CNTNAP5: variants seen among roughly 807,000 people sequenced by gnomAD.
CNTNAP5 encodes contactin-associated protein-like 5.
CNTNAP5 carries 72 observed loss-of-function variants against 150.2 expected under a neutral mutation model. The ratio of observed to expected loss-of-function variants is 0.48; its 90% CI spans 0.40 to 0.58. The LOEUF (loss-of-function observed/expected upper bound fraction) is 0.58, where lower values mean the gene tolerates loss of function less well. Among genes scored for constraint, CNTNAP5 ranks in the 20% least tolerant of loss-of-function variants. The pLI is 0.00. For synonymous variants in CNTNAP5, 672 were observed against 619.8 expected (o/e 1.08, Z -1.25); for missense variants, 1,636 against 1,626.2 (o/e 1.01, Z -0.10).
intron 13 of CNTNAP5, among the ~76,000 whole-genome samples, chr2:124,727,430 T>G (rs532198046): frequency 1.8e-4 from 27 of 152,146 alleles, no homozygotes; most frequent in African/African-American, 6.5e-4. Flanking sequence ...TTAGCAATAT[T>G]AACTCATTGA....
chr2:124,814,374 C>G (rs1433174602), intron 19 of CNTNAP5, among the ~76,000 whole-genome samples: 1 of 152,044 alleles, frequency 6.6e-6, no homozygotes, highest in African/African-American at 2.4e-5. Flanking sequence ...AGCCCTTCAA[C>G]TGAGCTTTCT....
chr2:124,327,679 G>A (rs923221213), intron 3 of CNTNAP5, among the ~76,000 whole-genome samples: 3 of 152,126 alleles, frequency 2.0e-5, no homozygotes, highest in African/African-American at 7.2e-5. Flanking sequence ...TCAACCAATT[G>A]CCAATCAGAA....
chr2:124,702,698 A>C (rs573237624), intron 13 of CNTNAP5, among the ~76,000 whole-genome samples: 1 of 152,246 alleles, frequency 6.6e-6, no homozygotes, highest in South Asian at 2.1e-4. Context: ...GTACAGCACG[A>C]GGAAAAGAGA....
At chr2:124,371,738 A>G (rs557145129) in intron 3 of CNTNAP5, among the ~76,000 whole-genome samples, 1 of 152,128 alleles carries the variant, frequency 6.6e-6, no homozygotes, top group Non-Finnish European at 1.5e-5. Context: ...TGTAATCTTA[A>G]CATACTATAC....
chr2:124,074,641 G>A (rs1161379172), intron 1 of CNTNAP5, among the ~76,000 whole-genome samples: 1 of 152,064 alleles, frequency 6.6e-6, no homozygotes, highest in Non-Finnish European at 1.5e-5. Flanking sequence ...AGTGTCATGG[G>A]TATTGACTCC....
intron 3 of CNTNAP5, among the ~76,000 whole-genome samples, chr2:124,401,683 C>T (rs1419672446): frequency 2.0e-5 from 3 of 152,156 alleles, no homozygotes; most frequent in Non-Finnish European, 4.4e-5. Context: ...TTTGTACTTA[C>T]GTTATTGATG....
rs148310457 is a variant in CNTNAP5 at position 124,134,191 on chromosome 2, T to A, written c.83-87514T>A. 1.7e-3 allele frequency among the ~76,000 whole-genome samples: 263 copies of A among 152,306 alleles called. 1 individual carries two copies. The highest frequency in any genetic ancestry group is 3.1e-3 in the Non-Finnish European group (210 of 68,022). ...GTCTAAACTCCGTTTGTCAGTGAGC[T>A]TCTCAGGGGTTCGTTCCACTGGACC... On this transcript the variant is annotated intron_variant, in intron 1 of 23. Transcript: ENST00000682447.
chr2:124,312,887 T>A (rs762076081), intron 3 of CNTNAP5, among the ~76,000 whole-genome samples: 5 of 152,192 alleles, frequency 3.3e-5, no homozygotes, highest in Non-Finnish European at 7.3e-5. Context: ...GTATTCTTAG[T>A]AGAGACGGGG....
Position 124,496,977 on chromosome 2 carries a change from G to T in CNTNAP5, c.1063-7315G>T, listed in dbSNP as rs1002237101. Reference sequence around the variant, plus strand: ...CAACAAAGAGTAGTCCCTTATTCTTGTTTTATTCTTCCCAGGTGACTCAAG... The same window carrying T: ...CAACAAAGAGTAGTCCCTTATTCTTTTTTTATTCTTCCCAGGTGACTCAAG... On this transcript the variant is annotated intron_variant, in intron 7 of 23. Coordinates refer to ENST00000682447, the MANE Select transcript of CNTNAP5 (RefSeq NM_001367498.1). 2.6e-5 allele frequency among the ~76,000 whole-genome samples: 4 copies of T among 152,202 alleles called. No individual in the cohort carries two copies. In the East Asian group the frequency reaches 7.7e-4, roughly 29 times the overall value.
intron 3 of CNTNAP5, among the ~76,000 whole-genome samples, chr2:124,291,712 A>T (rs1019451537): frequency 6.6e-6 from 1 of 152,158 alleles, no homozygotes; most frequent in African/African-American, 2.4e-5. Flanking sequence ...CCTTCAAATT[A>T]TATAGGCAGA....
At chr2:124,748,075 TG>T (rs1422987927) in intron 14 of CNTNAP5, among the ~76,000 whole-genome samples, 1 of 152,024 alleles carries the variant, frequency 6.6e-6, no homozygotes, top group African/African-American at 2.4e-5. Flanking sequence ...GATAGGGATG[TG>T]GGGTTATATA....
In CNTNAP5 at chr2:124,880,674, A is replaced by G. The variant is rs577913905; in HGVS notation, c.3436+10912A>G. Among the ~76,000 whole-genome samples, 185 of 152,270 alleles carry G rather than the reference A, an allele frequency of 1.2e-3. 1 individual carries two copies. The highest frequency in any genetic ancestry group is 4.2e-3 in the African/African-American group (174 of 41,586). ...TACCTATTATATACAAGGTGATATA[A>G]TAAGAGAAAATATGAAAACTTTAAA... On this transcript the variant is annotated intron_variant, in intron 21 of 23. Coordinates refer to ENST00000682447, the MANE Select transcript of CNTNAP5 (RefSeq NM_001367498.1).
intron 18 of CNTNAP5, among the ~76,000 whole-genome samples, chr2:124,791,242 GTTCA>G (rs1231007715): frequency 1.3e-5 from 2 of 152,146 alleles, no homozygotes; most frequent in African/African-American, 4.8e-5. Context: ...TGAGCCCTCC[GTTCA>G]TTCATACAGG....
intron 1 of CNTNAP5, among the ~76,000 whole-genome samples, chr2:124,066,666 A>T (rs868585604): frequency 6.7e-6 from 1 of 149,958 alleles, no homozygotes; most frequent in Non-Finnish European, 1.5e-5. Flanking sequence ...CAAAAAAAAA[A>T]TAGTTTATCT....
At chr2:124,103,101 T>A (rs1177898311) in intron 1 of CNTNAP5, among the ~76,000 whole-genome samples, 3 of 152,136 alleles carry the variant, frequency 2.0e-5, no homozygotes, top group Non-Finnish European at 4.4e-5. Flanking sequence ...TGTGTGTGTT[T>A]GTATCTTAGT....
chr2:124,797,321 A>G (rs1347520346), intron 18 of CNTNAP5, among the ~76,000 whole-genome samples: 6 of 152,174 alleles, frequency 3.9e-5, no homozygotes, highest in Non-Finnish European at 8.8e-5. Context: ...GGTGATTTAC[A>G]TATCCCACTA....
In CNTNAP5 at chr2:124,563,270, C is replaced by A; in HGVS notation, c.1703C>A (p.Thr568Asn). ...HGGSCSQSWT[T>N]FYCNCSDTSY... is the part of the protein sequence containing the mutation. ...GGAAGCTGCTCCCAGTCCTGGACTA[C>A]CTTCTATTGTAACTGCAGTGACACA... The change falls in exon 11 of 24, where the codon ACC (threonine) becomes AAC (asparagine). Residue 568 changes from threonine (T) to asparagine (N), a missense_variant. Thr to Asn is a moderately conservative substitution (Grantham distance 65). Transcript: ENST00000682447. 1 of 1,589,572 alleles carries A rather than the reference C, an allele frequency of 6.3e-7. No homozygotes were observed.
At chr2:124,484,070 A>G (rs571714745) in intron 7 of CNTNAP5, among the ~76,000 whole-genome samples, 8 of 152,140 alleles carry the variant, frequency 5.3e-5, no homozygotes, top group Non-Finnish European at 8.8e-5. Context: ...TCCCGACACT[A>G]CTTCCAACTA....
At chr2:124,036,675 G>T (rs1392582021) in intron 1 of CNTNAP5, among the ~76,000 whole-genome samples, 1 of 152,146 alleles carries the variant, frequency 6.6e-6, no homozygotes, top group African/African-American at 2.4e-5. Context: ...TAAGTAATGT[G>T]CTTCTTTCTC....
Sources: allele counts gnomAD v4.1 joint callset (sites outside exome capture counted in the v4.1 genomes callset), GRCh38; gene constraint gnomAD v4.1.1; transcripts MANE v1.5; gene names NCBI Gene and HGNC (gene_info 2026-07-23, HGNC 2026-07-21).